HERC1: variants seen among roughly 807,000 people sequenced by gnomAD.
HERC1 encodes probable E3 ubiquitin-protein ligase HERC1.
HERC1 carries 160 observed loss-of-function variants against 554.3 expected under a neutral mutation model. The observed-to-expected ratio is 0.29, with a 90% confidence interval of 0.25 to 0.33. HERC1 has a LOEUF of 0.33. HERC1 is among the 10% of genes least tolerant of loss of function. HERC1 has a pLI of 1.00. For synonymous variants in HERC1, 2,175 were observed against 2,131.7 expected (o/e 1.02, Z -0.56); for missense variants, 4,919 against 5,918.5 (o/e 0.83, Z 5.54).
intron 1 of HERC1, among the ~76,000 whole-genome samples, chr15:63,805,947 C>CA (rs11307698): frequency 2.8e-5 from 4 of 144,154 alleles, no homozygotes; most frequent in African/African-American, 1.0e-4. Context: ...TATCTCAAAA[C>CA]AAAAAAAAAA....
At chr15:63,826,194 T>C (rs994943598) in intron 1 of HERC1, among the ~76,000 whole-genome samples, 3 of 152,212 alleles carry the variant, frequency 2.0e-5, no homozygotes, top group African/African-American at 7.2e-5. Context: ...AAATTTCCAG[T>C]GTTGCTGGGC....
chr15:63,622,376 G>A (rs2068118534), intron 74 of HERC1, among the ~76,000 whole-genome samples: 1 of 136,356 alleles, frequency 7.3e-6, no homozygotes, highest in African/African-American at 2.8e-5. Context: ...TGCCCAGGCT[G>A]GAGTACAGTG....
chr15:63,747,946 C>T (rs1421398932), intron 10 of HERC1, 88 bp from the exon 11 acceptor site: 10 of 1,326,360 alleles, frequency 7.5e-6, no homozygotes, highest in Admixed American at 4.5e-5. Context: ...CATATATTGG[C>T]TGGGCACGGT....
At chr15:63,744,160 GTGTGTCTCTCTCTC>G (rs1567078064) in intron 12 of HERC1, among the ~76,000 whole-genome samples, 5 of 38,982 alleles carry the variant, frequency 1.3e-4, no homozygotes, top group African/African-American at 3.8e-4. Flanking sequence ...GTGTGTGTGT[GTGTGTCTCTCTCTC>G]TCTCTCTCTC....
chr15:63,787,890 G>A (rs532312464), intron 1 of HERC1, among the ~76,000 whole-genome samples: 1 of 150,228 alleles, frequency 6.7e-6, no homozygotes, highest in Non-Finnish European at 1.5e-5. Context: ...GAGTCCAGAA[G>A]GTCAAGGCTG....
chr15:63,764,835 G>C (rs1487081039), intron 2 of HERC1, among the ~76,000 whole-genome samples: 2 of 152,206 alleles, frequency 1.3e-5, no homozygotes, highest in Admixed American at 1.3e-4. Flanking sequence ...CTTGTGATCA[G>C]CAACTTGCTA....
At chr15:63,809,533 T>C (rs1194013940) in intron 1 of HERC1, among the ~76,000 whole-genome samples, 1 of 152,092 alleles carries the variant, frequency 6.6e-6, no homozygotes, top group Non-Finnish European at 1.5e-5. Context: ...AACACTAAGA[T>C]AATGAAGAGA....
intron 50 of HERC1, 33 bp downstream of exon 50, chr15:63,655,708 AG>A (rs777082652): frequency 3.2e-5 from 43 of 1,358,906 alleles, no homozygotes; most frequent in Non-Finnish European, 4.2e-5. Flanking sequence ...GAAGTCGATT[AG>A]AAGACTGTAT....
intron 2 of HERC1, 61 bp from the exon 3 acceptor site, chr15:63,764,252 AG>A: frequency 1.8e-6 from 2 of 1,114,558 alleles, no homozygotes; most frequent in Middle Eastern, 2.0e-4. Flanking sequence ...CATTAAAATT[AG>A]TTAAACAGTC....
At position 63,672,692 on chromosome 15, in the gene HERC1, T is replaced by A; in HGVS notation, c.7849A>T (p.Ile2617Phe). Residue 2617 changes from isoleucine (I) to phenylalanine (F), a missense_variant and splice_region_variant, in exon 39 of 78, where the codon ATT becomes TTT. Ile to Phe is a conservative substitution (Grantham distance 21). This residue lies in a region of HERC1 where 1,963 missense variants were observed against 2,228.6 expected (regional missense o/e 0.88). Transcript: ENST00000443617. ...DQFGGKIKQE[I>F]DQQAEESDPA... ...TCACTTTCTTCAGCTTGTTGATCAA[T>A]CTCTAGAAACCAAAAAAAAGGTTAA... The A allele has an allele frequency of 6.3e-7, 1 of 1,593,392 alleles. No individual in the cohort carries two copies. Among genetic ancestry groups the A allele is most frequent in the Non-Finnish European group, 8.6e-7 (1 of 1,168,380 alleles).
At chr15:63,720,102 C>CTTTTTTTTTTTTTT (rs1214451219) in intron 19 of HERC1, among the ~76,000 whole-genome samples, 2 of 20,960 alleles carry the variant, frequency 9.5e-5, no homozygotes, top group African/African-American at 2.5e-4. Flanking sequence ...CTTTTTCTTC[C>CTTTTTTTTTTTTTT]CTTTTTTTTT....
chr15:63,664,603 G>C lies in HERC1; in HGVS notation c.8556-9C>G, dbSNP rs2070521307. ...GATCCAAATTATCAGGGCTACAAGT[G>C]CAAGTGAGAAAGCAACACAAAGTTT... On this transcript the variant is annotated splice_polypyrimidine_tract_variant and intron_variant, in intron 42 of 77. Transcript: ENST00000443617. The C allele has an allele frequency of 3.7e-6, 6 of 1,609,576 alleles. No homozygotes were observed. The highest frequency in any genetic ancestry group is 5.1e-6 in the Non-Finnish European group (6 of 1,177,068).
chr15:63,720,103 CTTTT>C (rs573648232), intron 19 of HERC1, among the ~76,000 whole-genome samples: 2 of 71,608 alleles, frequency 2.8e-5, no homozygotes, highest in African/African-American at 1.2e-4. Context: ...TTTTTCTTCC[CTTTT>C]TTTTTTTTTT....
chr15:63,662,933 C>T (rs2070432849), intron 44 of HERC1, 51 bp downstream of exon 44: 5 of 1,401,706 alleles, frequency 3.6e-6, no homozygotes, highest in African/African-American at 2.8e-5. Context: ...GCTATATGAA[C>T]AGGAGGGCAG....
At position 63,643,452 on chromosome 15, in the gene HERC1, G is replaced by A. The variant is rs550120427; in HGVS notation, c.11283C>T (p.Ala3761=). 1 of 1,613,374 alleles carries A rather than the reference G, an allele frequency of 6.2e-7. No homozygotes were observed. The highest frequency in any genetic ancestry group is 1.7e-4 in the Middle Eastern group (1 of 6,060). ...GCCCACCTAGTCCACCAGACACCAG[G>A]GCCAACCCATCAGAACTAAAGGCAA... ...RTVAFSSDGL[A]LVSGGLGGLM... is the part of the protein sequence containing the mutation. The change falls in exon 58 of 78, where the codon GCC becomes GCT. Residue 3761 remains alanine, a synonymous_variant. Transcript: ENST00000443617.
intron 12 of HERC1, among the ~76,000 whole-genome samples, 195 bp downstream of exon 12, chr15:63,746,721 TAA>T (rs2075068359): frequency 6.6e-6 from 1 of 152,166 alleles, no homozygotes; most frequent in Admixed American, 6.5e-5. Flanking sequence ...AGAGCAGGAA[TAA>T]AAAGTTTATC....
At chr15:63,701,623 A>T (rs1407687897) in intron 25 of HERC1, among the ~76,000 whole-genome samples, 1 of 152,210 alleles carries the variant, frequency 6.6e-6, no homozygotes, top group East Asian at 1.9e-4. Context: ...TTGGCCTCCT[A>T]GCTGTAGTCT....
At chr15:63,706,288 C>T (rs533138694) in intron 25 of HERC1, among the ~76,000 whole-genome samples, 3 of 150,028 alleles carry the variant, frequency 2.0e-5, no homozygotes, top group Non-Finnish European at 4.4e-5. Context: ...AGAGATAAAG[C>T]ATCTCTTACA....
intron 1 of HERC1, among the ~76,000 whole-genome samples, chr15:63,799,966 C>G (rs1479616720): frequency 6.6e-6 from 1 of 151,952 alleles, no homozygotes; most frequent in African/African-American, 2.4e-5. Context: ...TCCATCTTTA[C>G]AGAAAAAAAT....
Sources: gnomAD v4.1 joint callset for allele counts (sites outside exome capture counted in the v4.1 genomes callset) on GRCh38, gnomAD v4.1.1 for gene constraint, gnomAD v4.1.1 regional missense constraint, MANE v1.5 for transcripts, NCBI Gene and HGNC (gene_info 2026-07-23, HGNC 2026-07-21) for gene names.